Variants in SUGCT observed in about 807,000 individuals in gnomAD.
SUGCT encodes succinyl-CoA:glutarate CoA-transferase.
Under a neutral mutation model 55.0 loss-of-function variants are expected in SUGCT, and 41 were observed. That is an observed-to-expected ratio of 0.74 (90% CI 0.58 to 0.97). The LOEUF is 0.97. SUGCT is among the 50% of genes least tolerant of loss of function. The pLI, the probability that SUGCT is intolerant of heterozygous loss-of-function variation, is 0.00. For missense variants in SUGCT, 568 were observed against 547.8 expected (o/e 1.04, Z -0.37); for synonymous variants, 187 against 200.4 (o/e 0.93, Z 0.56).
chr7:40,466,213 G>T lies in SUGCT; in HGVS notation c.986+7015G>T, dbSNP rs146712559. Among the ~76,000 whole-genome samples the T allele has an allele frequency of 1.2e-3, 177 of 152,200 alleles. 4 individuals are homozygous for T. In the East Asian group the frequency reaches 0.031, roughly 27 times the overall value. On this transcript the variant is annotated intron_variant, in intron 11 of 13. Transcript: ENST00000335693. ...TGAGTCACTATGCCTGGCTTCTATA[G>T]CTTGAAGGATAAAGTTCAAACCATT... is the stretch of plus-strand genomic sequence containing the variant.
chr7:40,913,168 G>A, the SUGCT span, among the ~76,000 whole-genome samples: 3 of 151,850 alleles, frequency 2.0e-5, no homozygotes, highest in East Asian at 1.9e-4. Flanking sequence ...GTGCCACCAC[G>A]CCCAGCTAAT....
At chr7:40,222,666 ACT>A (rs1788080817) in intron 6 of SUGCT, among the ~76,000 whole-genome samples, 1 of 152,102 alleles carries the variant, frequency 6.6e-6, no homozygotes, top group African/African-American at 2.4e-5. Flanking sequence ...ACATGGCGAA[ACT>A]CTATCTTTAC....
the SUGCT span, among the ~76,000 whole-genome samples, chr7:40,913,237 T>C: frequency 6.6e-6 from 1 of 151,946 alleles, no homozygotes; most frequent in Non-Finnish European, 1.5e-5. Flanking sequence ...GATCCAACCT[T>C]TGATGGACAC....
chr7:40,677,389 T>C (rs940968377), intron 12 of SUGCT, among the ~76,000 whole-genome samples: 3 of 152,218 alleles, frequency 2.0e-5, no homozygotes, highest in Admixed American at 6.5e-5. Flanking sequence ...CCAACATTAA[T>C]TTACTTACCC....
chr7:40,366,259 T>C (rs1418544946), intron 9 of SUGCT, among the ~76,000 whole-genome samples: 5 of 152,000 alleles, frequency 3.3e-5, no homozygotes. Flanking sequence ...ATACAAAAAT[T>C]AATTCAAGAT....
intron 12 of SUGCT, among the ~76,000 whole-genome samples, chr7:40,645,623 C>A (rs976298545): frequency 1.3e-5 from 2 of 152,308 alleles, no homozygotes; most frequent in East Asian, 3.9e-4. Context: ...AGACCACAGA[C>A]ACCTGGTCCA....
chr7:40,393,721 C>G (rs1583586672), intron 9 of SUGCT, among the ~76,000 whole-genome samples: 1 of 152,082 alleles, frequency 6.6e-6, no homozygotes, highest in South Asian at 2.1e-4. Context: ...ATGGACCTTG[C>G]ACGGGTCTAC....
intron 4 of SUGCT, 112 bp downstream of exon 4, chr7:40,188,692 T>A: frequency 1.7e-6 from 1 of 603,308 alleles, no homozygotes; most frequent in Non-Finnish European, 2.8e-6. Flanking sequence ...AAGATGTAAC[T>A]AATATTTCAA....
intron 8 of SUGCT, among the ~76,000 whole-genome samples, chr7:40,287,743 C>T (rs1385925313): frequency 6.6e-6 from 1 of 152,162 alleles, no homozygotes; most frequent in African/African-American, 2.4e-5. Flanking sequence ...AAGTGATCCT[C>T]CTGTCTTGGC....
the SUGCT span, among the ~76,000 whole-genome samples, chr7:40,903,781 A>G: frequency 6.1e-4 from 93 of 152,062 alleles, no homozygotes; most frequent in African/African-American, 2.2e-3. Flanking sequence ...GTTACCTTAC[A>G]TCCTCCTACC....
chr7:40,350,141 T>A (rs941034707), intron 9 of SUGCT, among the ~76,000 whole-genome samples: 1 of 151,976 alleles, frequency 6.6e-6, no homozygotes, highest in Non-Finnish European at 1.5e-5. Flanking sequence ...TTGTTCTTTT[T>A]AAAATAATTT....
intron 6 of SUGCT, among the ~76,000 whole-genome samples, chr7:40,204,335 C>T (rs1475508892): frequency 6.7e-6 from 1 of 149,338 alleles, no homozygotes; most frequent in Non-Finnish European, 1.5e-5. Flanking sequence ...CGGAGTCTTG[C>T]TCTGTCACCC....
chr7:40,641,402 A>C (rs1195553517), intron 12 of SUGCT, among the ~76,000 whole-genome samples: 1 of 152,180 alleles, frequency 6.6e-6, no homozygotes, highest in Non-Finnish European at 1.5e-5. Context: ...TGAGCTCTTC[A>C]CTGCTTGCCT....
the SUGCT span, among the ~76,000 whole-genome samples, chr7:40,909,534 C>A: frequency 2.0e-5 from 3 of 152,166 alleles, no homozygotes; most frequent in African/African-American, 2.4e-5. Context: ...GGGCTGCAGA[C>A]CTTCCTTTGA....
rs535903403 is a variant in SUGCT at position 40,664,085 on chromosome 7, G to C, written c.1090-85349G>C. Among the ~76,000 whole-genome samples the C allele has an allele frequency of 6.6e-5, 10 of 152,278 alleles. No homozygotes were observed. The South Asian group carries it at 2.1e-3, about 32-fold the overall frequency. ...AAGCCAAGTAGAGAGGCCTGGAACA[G>C]ATTCTTCTCTTAACGTCCTCAGAAG... On this transcript the variant is annotated intron_variant, in intron 12 of 13. Transcript: ENST00000335693.
intron 12 of SUGCT, among the ~76,000 whole-genome samples, chr7:40,684,968 C>G (rs1455116185): frequency 6.6e-6 from 1 of 152,126 alleles, no homozygotes; most frequent in Non-Finnish European, 1.5e-5. Flanking sequence ...GTAGCTGGGA[C>G]TACAGGCATG....
intron 13 of SUGCT, among the ~76,000 whole-genome samples, chr7:40,799,202 G>C (rs1374842114): frequency 6.6e-6 from 1 of 152,132 alleles, no homozygotes; most frequent in African/African-American, 2.4e-5. Context: ...TGTGCACCAA[G>C]AGGCTCTTCA....
At chr7:40,907,181 T>C in the SUGCT span, among the ~76,000 whole-genome samples, 3 of 151,544 alleles carry the variant, frequency 2.0e-5, no homozygotes, top group Non-Finnish European at 4.4e-5. Flanking sequence ...AGTGGGGACT[T>C]GGGTTTCTGC....
chr7:40,359,069 G>C (rs1028608895), intron 9 of SUGCT, among the ~76,000 whole-genome samples: 1 of 152,120 alleles, frequency 6.6e-6, no homozygotes, highest in Non-Finnish European at 1.5e-5. Context: ...TTTGGCATGG[G>C]GCTGTTCCCT....
Sources: gnomAD v4.1 joint callset for allele counts (sites outside exome capture counted in the v4.1 genomes callset) on GRCh38, gnomAD v4.1.1 for gene constraint, MANE v1.5 for transcripts, NCBI Gene and HGNC (gene_info 2026-07-23, HGNC 2026-07-21) for gene names.